Variants in ELF2 observed in about 807,000 individuals in gnomAD.
ELF2 encodes the protein E74 like ETS transcription factor 2.
Under a neutral mutation model 54.8 loss-of-function variants are expected in ELF2, and 11 were observed. The observed-to-expected ratio is 0.20, with a 90% CI of 0.13 to 0.33. The LOEUF is 0.33. ELF2 is among the 10% of genes least tolerant of loss of function. The pLI is 1.00. For synonymous variants in ELF2, 203 were observed against 245.1 expected, an observed-to-expected ratio of 0.83 and a Z score of 1.61; for missense variants, 513 against 703.0, an observed-to-expected ratio of 0.73 and a Z score of 3.06.
At chr4:139,162,467 G>T (rs1741276294) in intron 1 of ELF2, among the ~76,000 whole-genome samples, 1 of 151,462 alleles carries the variant, frequency 6.6e-6, no homozygotes, top group Non-Finnish European at 1.5e-5. Flanking sequence ...GGAAGTGGAG[G>T]TTGCAGTGAG....
At chr4:139,151,472 A>C (rs2148886156) in intron 1 of ELF2, among the ~76,000 whole-genome samples, 1 of 152,346 alleles carries the variant, frequency 6.6e-6, no homozygotes, top group East Asian at 1.9e-4. Flanking sequence ...CTAATTAATA[A>C]GAAACATAGG....
At chr4:139,084,557 G>C in intron 4 of ELF2, 1 of 429,932 alleles carries the variant, frequency 2.3e-6, no homozygotes, top group Non-Finnish European at 3.2e-6. Flanking sequence ...AGCGGCCGCA[G>C]CCTGCGGCGA....
chr4:139,139,572 T>C (rs1196570066), intron 1 of ELF2, 75 bp from the exon 2 acceptor site: 46 of 761,316 alleles, frequency 6.0e-5, no homozygotes, highest in Non-Finnish European at 7.3e-5. Flanking sequence ...CAGATGTGAT[T>C]GAGATAGTAA....
chr4:139,092,033 G>C (rs1404311197), intron 4 of ELF2, among the ~76,000 whole-genome samples: 1 of 149,284 alleles, frequency 6.7e-6, no homozygotes, highest in African/African-American at 2.5e-5. Context: ...GGAACAAAAA[G>C]GGGGAAATAA....
intron 3 of ELF2, among the ~76,000 whole-genome samples, chr4:139,130,786 G>A (rs1177146347): frequency 6.6e-6 from 1 of 152,098 alleles, no homozygotes; most frequent in African/African-American, 2.4e-5. Flanking sequence ...TTGTAGCTTG[G>A]CTCAAAGAAT....
chr4:139,060,703 CA>C (rs773443121), intron 8 of ELF2, 29 bp from the exon 9 acceptor site: 45 of 1,540,252 alleles, frequency 2.9e-5, no homozygotes, highest in Non-Finnish European at 3.9e-5. Context: ...CCAAATGAAT[CA>C]AGTATATTAT....
At chr4:139,144,030 A>G (rs978149502) in intron 1 of ELF2, among the ~76,000 whole-genome samples, 1 of 152,026 alleles carries the variant, frequency 6.6e-6, no homozygotes, top group African/African-American at 2.4e-5. Flanking sequence ...GAAAGAAAAA[A>G]TAGTGGGTAA....
chr4:139,176,409 C>T (rs1200091008), intron 1 of ELF2, among the ~76,000 whole-genome samples: 1 of 151,722 alleles, frequency 6.6e-6, no homozygotes, highest in East Asian at 1.9e-4. Context: ...CCCCCCCCGC[C>T]TGCCCGCCAC....
intron 7 of ELF2, chr4:139,067,327 G>A (rs536646947): frequency 1.7e-5 from 3 of 180,468 alleles, no homozygotes; most frequent in South Asian, 1.5e-4. Flanking sequence ...TTAGAAACAA[G>A]GTTTAGTTGT....
chr4:139,124,749 T>C (rs1472201346), intron 4 of ELF2, among the ~76,000 whole-genome samples: 2 of 152,122 alleles, frequency 1.3e-5, no homozygotes, highest in African/African-American at 4.8e-5. Flanking sequence ...TGAAAAGAAA[T>C]CTTATTGCTC....
chr4:139,114,500 T>C (rs570700620), intron 4 of ELF2, among the ~76,000 whole-genome samples: 3 of 144,894 alleles, frequency 2.1e-5, no homozygotes, highest in Non-Finnish European at 3.0e-5. Flanking sequence ...ACCCGGGAGG[T>C]TGCAGTGAGC....
rs1235785194 is a variant in ELF2 at position 139,060,400 on chromosome 4, T to C, written c.1081A>G (p.Ile361Val). 1 of 1,614,172 alleles carries C rather than the reference T, an allele frequency of 6.2e-7. No individual in the cohort carries two copies. The highest frequency in any genetic ancestry group is 1.3e-5 in the African/African-American group (1 of 75,038). The change falls in exon 9 of 10, where the codon ATC becomes GTC. Residue 361 changes from isoleucine (I) to valine (V), a missense_variant. By Grantham distance (29) the Ile-to-Val change is conservative. Transcript: ENST00000686138. ...GAAGCATCGTGCCCAGGGGAAGTGA[T>C]ATTCACAACTCTAGCTACACCCTTC... ...AEKGVARVVN[I>V]TSPGHDASSR... is the part of the protein sequence containing the mutation.
rs183884442 is a variant in ELF2 at position 139,171,439 on chromosome 4, C to T, written c.-252+5528G>A. On this transcript the variant is annotated intron_variant, in intron 1 of 9. Coordinates refer to ENST00000686138, the MANE Select transcript of ELF2 (RefSeq NM_001331036.3). ...GCTTGTGGGAATTATTAATATCCTA[C>T]TGCTCAAGGTCATCGCCAAGGTCTG... Among the ~76,000 whole-genome samples the T allele has an allele frequency of 4.3e-3, 660 of 152,096 alleles. 4 individuals are homozygous for T. Among genetic ancestry groups the T allele is most frequent in the African/African-American group, 0.015 (634 of 41,506 alleles).
At chr4:139,149,015 C>G (rs1739565524) in intron 1 of ELF2, among the ~76,000 whole-genome samples, 1 of 152,166 alleles carries the variant, frequency 6.6e-6, no homozygotes, top group Non-Finnish European at 1.5e-5. Flanking sequence ...AACCAAGACT[C>G]AAAAACAAGA....
intron 4 of ELF2, among the ~76,000 whole-genome samples, chr4:139,123,098 C>A (rs1194989474): frequency 6.6e-6 from 1 of 150,662 alleles, no homozygotes; most frequent in Non-Finnish European, 1.5e-5. Flanking sequence ...GCAGGAGAAT[C>A]ATTTGAACCC....
intron 1 of ELF2, among the ~76,000 whole-genome samples, chr4:139,171,200 C>T (rs1212918424): frequency 1.3e-5 from 2 of 152,040 alleles, no homozygotes; most frequent in African/African-American, 2.4e-5. Flanking sequence ...GTAGCCTGGG[C>T]AATGCAGTGA....
At chr4:139,083,184 G>A (rs1042073537) in intron 4 of ELF2, among the ~76,000 whole-genome samples, 9 of 152,072 alleles carry the variant, frequency 5.9e-5, no homozygotes, top group Admixed American at 1.3e-4. Flanking sequence ...GGAGGTTTGG[G>A]GGGGGGTAGA....
chr4:139,118,664 A>G (rs1187741691), intron 4 of ELF2, among the ~76,000 whole-genome samples: 1 of 152,126 alleles, frequency 6.6e-6, no homozygotes, highest in African/African-American at 2.4e-5. Flanking sequence ...AAAAGTATAA[A>G]CTGAAGGTAT....
chr4:139,151,572 A>G lies in ELF2; in HGVS notation c.-251-12075T>C, dbSNP rs193082327. ...TTCTAGTTCTCACGCAGAATGATGG[A>G]TTCATATGTGTTTGTTATATTATTA... On this transcript the variant is annotated intron_variant, in intron 1 of 9. Coordinates refer to ENST00000686138, the MANE Select transcript of ELF2 (RefSeq NM_001331036.3). Among the ~76,000 whole-genome samples, 1,150 of 152,282 alleles carry G rather than the reference A, an allele frequency of 7.6e-3. 11 individuals carry two copies. Among genetic ancestry groups the G allele is most frequent in the Non-Finnish European group, 0.011 (743 of 68,028 alleles).
Sources: gnomAD v4.1 joint callset for allele counts (sites outside exome capture counted in the v4.1 genomes callset) on GRCh38, gnomAD v4.1.1 for gene constraint, MANE v1.5 for transcripts, NCBI Gene and HGNC (gene_info 2026-07-23, HGNC 2026-07-21) for gene names.